Variants in ANKRD30BL observed in about 807,000 individuals in gnomAD.
ANKRD30BL encodes the protein ankyrin repeat domain 30B like, also known as putative ankyrin repeat domain-containing protein 30B-like.
ANKRD30BL carries 20 observed loss-of-function variants against 18.4 expected under a neutral mutation model. The observed-to-expected ratio is 1.09, with a 90% confidence interval of 0.77 to 1.58. The LOEUF (loss-of-function observed/expected upper bound fraction) is 1.58. Ranked by LOEUF, ANKRD30BL falls within the 40% of genes most tolerant of loss-of-function variation. The probability of loss-of-function intolerance (pLI) is 0.00; values close to 1 mark genes in which losing one functional copy is unlikely to be tolerated. For synonymous variants in ANKRD30BL, 72 were observed against 100.9 expected, an observed-to-expected ratio of 0.71 and a Z score of 1.72; for missense variants, 224 against 268.6, an observed-to-expected ratio of 0.83 and a Z score of 1.16.
At chr2:132,213,809 A>T (rs1679419169) in intron 1 of ANKRD30BL, among the ~76,000 whole-genome samples, 1 of 151,966 alleles carries the variant, frequency 6.6e-6, no homozygotes, top group Non-Finnish European at 1.5e-5. Context: ...GTGGAAAAGG[A>T]AGTAACTTCC....
chr2:132,167,284 T>TATTTA (rs1688204945), intron 1 of ANKRD30BL, among the ~76,000 whole-genome samples: 1 of 62,228 alleles, frequency 1.6e-5, no homozygotes, highest in African/African-American at 1.4e-4. Flanking sequence ...ATTTTTATTT[T>TATTTA]ATTTTATTTT....
intron 1 of ANKRD30BL, among the ~76,000 whole-genome samples, chr2:132,217,605 T>A (rs1317723667): frequency 6.6e-6 from 1 of 152,224 alleles, no homozygotes; most frequent in Non-Finnish European, 1.5e-5. Flanking sequence ...TCGGAATATC[T>A]TCAGATAATC....
chr2:132,148,352 C>CTTTTTTTTTTTTTTTCTTTTTTTTTT (rs1687665569), intron 5 of ANKRD30BL, 124 bp from the exon 6 acceptor site: 1 of 151,090 alleles, frequency 6.6e-6, no homozygotes, highest in African/African-American at 6.6e-5. Flanking sequence ...TTGTTTTCTC[C>CTTTTTTTTTTTTTTTCTTTTTTTTTT]TTTTTTTTTT....
At chr2:132,238,232 G>C (rs970743838) in intron 1 of ANKRD30BL, among the ~76,000 whole-genome samples, 1 of 151,604 alleles carries the variant, frequency 6.6e-6, no homozygotes, top group Non-Finnish European at 1.5e-5. Flanking sequence ...AGTTATGAAA[G>C]ACTCTTCTTA....
At chr2:132,168,338 G>C (rs1688222391) in intron 1 of ANKRD30BL, among the ~76,000 whole-genome samples, 1 of 152,070 alleles carries the variant, frequency 6.6e-6, no homozygotes, top group African/African-American at 2.4e-5. Context: ...AGGGTTTCTT[G>C]TGTATTTTGA....
At chr2:132,201,081 T>C (rs976010093) in intron 1 of ANKRD30BL, among the ~76,000 whole-genome samples, 1 of 152,126 alleles carries the variant, frequency 6.6e-6, no homozygotes, top group Non-Finnish European at 1.5e-5. Context: ...CTGGGAAAAC[T>C]GGCTAGCCAT....
At chr2:132,257,487 C>G (rs1027452170) in intron 1 of ANKRD30BL, 1 of 261,518 alleles carries the variant, frequency 3.8e-6, no homozygotes, top group Non-Finnish European at 7.4e-6. Flanking sequence ...CCCTGGGTCC[C>G]CACCGCGGAG....
chr2:132,230,519 A>T (rs375297492), intron 1 of ANKRD30BL, among the ~76,000 whole-genome samples: 2 of 152,100 alleles, frequency 1.3e-5, no homozygotes, highest in Non-Finnish European at 2.9e-5. Context: ...CTTATTTATG[A>T]TGTTTGCATT....
At chr2:132,202,324 T>C (rs1679121928) in intron 1 of ANKRD30BL, among the ~76,000 whole-genome samples, 1 of 143,818 alleles carries the variant, frequency 7.0e-6, no homozygotes, top group Admixed American at 7.0e-5. Flanking sequence ...ACCAAAAAAA[T>C]AAATAAATAA....
chr2:132,254,777 T>A (rs79046621), intron 1 of ANKRD30BL, among the ~76,000 whole-genome samples: 1 of 151,906 alleles, frequency 6.6e-6, no homozygotes, highest in Non-Finnish European at 1.5e-5. Context: ...AGTTGGGGGA[T>A]GCCGACCGCT....
chr2:132,163,205 C>G (rs527823333), upstream of ANKRD30BL, among the ~76,000 whole-genome samples: 163 of 152,264 alleles, frequency 1.1e-3, 1 homozygote, highest in African/African-American at 3.7e-3. Context: ...ACTTACAGCA[C>G]TTTGGGAGAC....
In ANKRD30BL at chr2:132,157,329, T is replaced by C; in HGVS notation, c.313A>G (p.Asn105Asp). 1 of 767,946 alleles carries C rather than the reference T, an allele frequency of 1.3e-6. No homozygotes were observed. Among genetic ancestry groups the C allele is most frequent in the Non-Finnish European group, 2.3e-6 (1 of 428,296 alleles). 47.6% of individuals were successfully genotyped at this position (767,946 alleles called of 1,614,324 possible). The change falls in exon 2 of 6, where the codon AAC becomes GAC. Residue 105 changes from asparagine to aspartate, a missense_variant. Physicochemically the swap from Asn to Asp is conservative, Grantham distance 23. Coordinates refer to ENST00000409867, the MANE Select transcript of ANKRD30BL (RefSeq NM_001358416.1). The stretch of plus-strand genomic sequence containing the variant: ...TTTACCTTCATCAGAATGGTCCTGT[T>C]TTCACCATCAAGGACGTCAAGCTGA... ...KCQLDVLDGE[N>D]RTILMKALQC... is the part of the protein sequence containing the mutation.
chr2:132,257,217 GC>G (rs1475262834), intron 1 of ANKRD30BL: 3 of 399,650 alleles, frequency 7.5e-6, no homozygotes, highest in African/African-American at 6.6e-5. Flanking sequence ...AGACCGGCAT[GC>G]CCCCCACTTG....
intron 1 of ANKRD30BL, among the ~76,000 whole-genome samples, chr2:132,190,198 C>T (rs1678815720): frequency 6.6e-6 from 1 of 152,082 alleles, no homozygotes; most frequent in Non-Finnish European, 1.5e-5. Context: ...ATGATACCAA[C>T]TAGTTGGGGA....
intron 1 of ANKRD30BL, among the ~76,000 whole-genome samples, chr2:132,173,795 T>A (rs1688320788): frequency 2.0e-5 from 3 of 152,190 alleles, no homozygotes; most frequent in Non-Finnish European, 4.4e-5. Context: ...TATTAAGTTT[T>A]ATTATTAAGC....
intron 1 of ANKRD30BL, among the ~76,000 whole-genome samples, chr2:132,188,449 G>A (rs1476758933): frequency 1.3e-5 from 2 of 152,340 alleles, no homozygotes; most frequent in East Asian, 3.9e-4. Context: ...GGGCGCGGTG[G>A]CTCACGCCTA....
chr2:132,160,419 C>G lies in ANKRD30BL; in HGVS notation c.218+1069G>C, dbSNP rs77502432. On this transcript the variant is annotated intron_variant, in intron 1 of 5. Transcript: ENST00000409867. The stretch of plus-strand genomic sequence containing the variant: ...CCTGGCCCTTTTTTTTTTTTTTTTT[C>G]AAATTTTATTTATTTATTTATTTAT... Among the ~76,000 whole-genome samples the G allele has an allele frequency of 1.0e-4, 6 of 59,672 alleles. No homozygotes were observed. The East Asian group carries it at 3.8e-3, about 38-fold the overall frequency. The allele number at this position is 59,672 out of a possible 152,430, so 39.1% of individuals were successfully genotyped here.
intron 1 of ANKRD30BL, among the ~76,000 whole-genome samples, chr2:132,198,313 TTTCTTTCTTTC>T (rs563324371): frequency 0.42 from 15,512 of 37,316 alleles, 2,323 homozygotes; most frequent in Non-Finnish European, 0.48. Context: ...TCTTTCTTTC[TTTCTTTCTTTC>T]TTTTTTTTTT....
intron 1 of ANKRD30BL, among the ~76,000 whole-genome samples, chr2:132,200,965 G>C (rs1178612370): frequency 6.6e-6 from 1 of 152,152 alleles, no homozygotes; most frequent in African/African-American, 2.4e-5. Context: ...CAATGGAACA[G>C]AACAGAGTCC....
Sources: allele counts gnomAD v4.1 joint callset (sites outside exome capture counted in the v4.1 genomes callset), GRCh38; gene constraint gnomAD v4.1.1; transcripts MANE v1.5; gene names NCBI Gene and HGNC (gene_info 2026-07-23, HGNC 2026-07-21).